The following ALMS1 variants were observed in gnomAD, a reference collection of about 807,000 sequenced individuals.
ALMS1 encodes the protein centrosome-associated protein ALMS1.
Under a neutral mutation model 352.2 loss-of-function variants are expected in ALMS1, and 271 were observed. The observed-to-expected ratio is 0.77, with a 90% CI of 0.70 to 0.85. The LOEUF (loss-of-function observed/expected upper bound fraction) is 0.85. ALMS1 is among the 40% of genes least tolerant of loss of function. The pLI, the probability that ALMS1 is intolerant of heterozygous loss-of-function variation, is 0.00. For synonymous variants in ALMS1, 1,865 were observed against 1,761.2 expected (o/e 1.06, Z -1.48); for missense variants, 5,445 against 4,870.7 (o/e 1.12, Z -3.51).
chr2:73,497,681 G>A (rs1430136581), intron 10 of ALMS1, among the ~76,000 whole-genome samples: 2 of 152,032 alleles, frequency 1.3e-5, no homozygotes, highest in African/African-American at 4.8e-5. Flanking sequence ...TAGAATAATG[G>A]CCTCCAGCTC....
chr2:73,496,682 CA>C (rs1160119706), intron 10 of ALMS1, among the ~76,000 whole-genome samples: 1 of 152,106 alleles, frequency 6.6e-6, no homozygotes, highest in African/African-American at 2.4e-5. Context: ...GTGTCTGTAT[CA>C]TTTTGCATTC....
chr2:73,421,042 ATGT>A (rs1337175030), intron 3 of ALMS1, among the ~76,000 whole-genome samples: 3 of 152,152 alleles, frequency 2.0e-5, no homozygotes, highest in African/African-American at 4.8e-5. Context: ...CACACAGATA[ATGT>A]TGTACACTTG....
chr2:73,490,482 C>G lies in ALMS1; in HGVS notation c.8523C>G (p.Asn2841Lys). The G allele has an allele frequency of 6.2e-7, 1 of 1,614,142 alleles. No individual in the cohort carries two copies. The highest frequency in any genetic ancestry group is 1.1e-5 in the South Asian group (1 of 91,084). The change falls in exon 10 of 23, where the codon AAC (asparagine) becomes AAG (lysine). Residue 2841 changes from asparagine to lysine, a missense_variant. Asn to Lys is a moderately conservative substitution (Grantham distance 94). Transcript: ENST00000613296. ...TCAAGGAAATTCAGATTTCTGATAA[C>G]CATACCCTTATTAGCATGGGCAGAC... Reference protein sequence around the residue: ...SNFKEIQISDNHTLISMGRPS... With the variant: ...SNFKEIQISDKHTLISMGRPS...
chr2:73,517,908 T>A (rs1241905140), intron 10 of ALMS1, among the ~76,000 whole-genome samples: 1 of 152,240 alleles, frequency 6.6e-6, no homozygotes, highest in East Asian at 1.9e-4. Context: ...TCCACCCACC[T>A]CAGCCTCCCA....
At chr2:73,498,494 TATTC>T (rs1384289697) in intron 10 of ALMS1, among the ~76,000 whole-genome samples, 4 of 148,672 alleles carry the variant, frequency 2.7e-5, no homozygotes, top group African/African-American at 1.0e-4. Context: ...TAGTAGGTCT[TATTC>T]ATTCTTTCTA....
intron 9 of ALMS1, among the ~76,000 whole-genome samples, chr2:73,465,682 A>G (rs949659938): frequency 1.8e-4 from 27 of 151,744 alleles, no homozygotes; most frequent in African/African-American, 6.5e-4. Flanking sequence ...AAAAGAAACT[A>G]CCATCAGAGT....
intron 10 of ALMS1, among the ~76,000 whole-genome samples, chr2:73,495,896 A>C (rs1673096007): frequency 6.6e-6 from 1 of 152,196 alleles, no homozygotes; most frequent in South Asian, 2.1e-4. Flanking sequence ...TTCAGAATTC[A>C]TAGCCCCTAC....
At chr2:73,426,290 C>T (rs1671375689) in intron 5 of ALMS1, among the ~76,000 whole-genome samples, 163 bp from the exon 6 acceptor site, 1 of 152,180 alleles carries the variant, frequency 6.6e-6, no homozygotes, top group Non-Finnish European at 1.5e-5. Context: ...GATGCAAAGT[C>T]ACAAGGTGCT....
Position 73,463,413 on chromosome 2 carries a change from G to A in ALMS1, c.7674+8118G>A, listed in dbSNP as rs1308970373. On this transcript the variant is annotated intron_variant, in intron 9 of 22. Coordinates refer to ENST00000613296, the MANE Select transcript of ALMS1 (RefSeq NM_001378454.1). ...GTTCTTTGAAACCAACGAGAACAAA[G>A]ACACAACATACCAGAATCTCTGGGA... 2.7e-5 allele frequency among the ~76,000 whole-genome samples: 4 copies of A among 149,362 alleles called. No homozygotes were observed. In the Admixed American group the frequency reaches 2.7e-4, roughly 10 times the overall value.
chr2:73,416,338 A>AG (rs1671180720), intron 2 of ALMS1, among the ~76,000 whole-genome samples: 2 of 152,210 alleles, frequency 1.3e-5, no homozygotes, highest in African/African-American at 4.8e-5. Context: ...TATTCAGTGT[A>AG]GAAGGGATTG....
At chr2:73,508,721 G>C (rs1673388129) in intron 10 of ALMS1, among the ~76,000 whole-genome samples, 1 of 152,148 alleles carries the variant, frequency 6.6e-6, no homozygotes, top group Non-Finnish European at 1.5e-5. Context: ...GCTTGGTCCA[G>C]ACCTGAGTTC....
intron 6 of ALMS1, among the ~76,000 whole-genome samples, chr2:73,428,750 T>C (rs1296441440): frequency 6.6e-6 from 1 of 152,196 alleles, no homozygotes; most frequent in African/African-American, 2.4e-5. Context: ...GTCTTAGATC[T>C]AGGAGTTATT....
At chr2:73,435,947 A>G (rs991237930) in intron 7 of ALMS1, among the ~76,000 whole-genome samples, 9 of 152,186 alleles carry the variant, frequency 5.9e-5, no homozygotes, top group African/African-American at 2.2e-4. Flanking sequence ...CAGGAAATGA[A>G]GTATGTCTTT....
rs531859344 is a variant in ALMS1, at chr2:73,448,413, G to A, written c.1886G>A (p.Gly629Asp). ...TCCTACTCACATAGAGAGAAGCCTG[G>A]TACTTTTTACCAACAAGAGTTACCA... ...STSYSHREKP[G>D]TFYQQELPES... is the part of the protein sequence containing the mutation. Residue 629 changes from glycine (G) to aspartate (D), a missense_variant, in exon 8 of 23, where the codon GGT (glycine) becomes GAT (aspartate). By Grantham distance (94) the Gly-to-Asp change is moderately conservative. Transcript: ENST00000613296. The A allele has an allele frequency of 8.7e-6, 14 of 1,613,960 alleles. 1 individual carries two copies. The African/African-American group carries it at 1.6e-4, about 18-fold the overall frequency.
rs1675898635 is a variant in ALMS1 at position 73,609,718 on chromosome 2, T to C, written c.*106T>C. 1.7e-6 allele frequency: 2 copies of C among 1,159,848 alleles called. No individual in the cohort carries two copies. Among genetic ancestry groups the C allele is most frequent in the African/African-American group, 1.5e-5 (1 of 65,750 alleles). 71.8% of individuals were successfully genotyped at this position (1,159,848 alleles called of 1,614,324 possible). ...TTGAATAAAGCTTATTCTTTGTCCA[T>C]GTGTATTTTAGAAATAGTAACTTCT... On this transcript the variant is annotated 3_prime_UTR_variant, in exon 23 of 23. Transcript: ENST00000613296.
Sources: allele counts gnomAD v4.1 joint callset (sites outside exome capture counted in the v4.1 genomes callset), GRCh38; gene constraint gnomAD v4.1.1; transcripts MANE v1.5; gene names NCBI Gene and HGNC (gene_info 2026-07-23, HGNC 2026-07-21).